HNRNPUL1: variants seen among roughly 807,000 people sequenced by gnomAD.
HNRNPUL1 encodes heterogeneous nuclear ribonucleoprotein U-like protein 1.
Under a neutral mutation model 108.5 loss-of-function variants are expected in HNRNPUL1, and 14 were observed. The observed-to-expected ratio is 0.13, with a 90% CI of 0.09 to 0.20. HNRNPUL1 has a LOEUF of 0.20. HNRNPUL1 is among the 10% of genes least tolerant of loss of function. The pLI is 1.00. For missense variants in HNRNPUL1, 804 were observed against 1,168.3 expected, an observed-to-expected ratio of 0.69 and a Z score of 4.55; for synonymous variants, 422 against 445.2, an observed-to-expected ratio of 0.95 and a Z score of 0.66.
chr19:41,265,097 C>T, intron 1 of HNRNPUL1: 1 of 1,412,726 alleles, frequency 7.1e-7, no homozygotes, highest in African/African-American at 1.5e-5. Flanking sequence ...CTTTCTGGAG[C>T]CGAAGAGAGT....
Position 41,272,403 on chromosome 19 carries a change from A to G in HNRNPUL1, c.572+168A>G, listed in dbSNP as rs2035295707. Reference sequence around the variant, plus strand: ...ACTTGCTACCAGATTCAGCTTTCCTAAACTTTTGGTCCTTCCCCCAGTTCC... The same window carrying G: ...ACTTGCTACCAGATTCAGCTTTCCTGAACTTTTGGTCCTTCCCCCAGTTCC... On this transcript the variant is annotated intron_variant, in intron 3 of 14. Transcript: ENST00000392006. The G allele has an allele frequency of 4.3e-6, 3 of 695,648 alleles. No individual in the cohort carries two copies. The Admixed American group carries it at 8.9e-5, about 21-fold the overall frequency. 43.1% of individuals were successfully genotyped at this position (695,648 alleles called of 1,614,324 possible).
At chr19:41,268,404 C>A in intron 2 of HNRNPUL1, 59 bp downstream of exon 2, 2 of 1,567,664 alleles carry the variant, frequency 1.3e-6, no homozygotes, top group Non-Finnish European at 1.7e-6. Flanking sequence ...GGAGCCTTTA[C>A]CCCCTGCTTA....
chr19:41,263,372 A>G (rs2034614656), upstream of HNRNPUL1, among the ~76,000 whole-genome samples: 1 of 152,148 alleles, frequency 6.6e-6, no homozygotes, highest in Admixed American at 6.5e-5. Flanking sequence ...AGACAGCCCG[A>G]TTTACGGGAA....
At chr19:41,303,897 C>T in intron 12 of HNRNPUL1, 75 bp from the exon 13 acceptor site, 1 of 1,537,032 alleles carries the variant, frequency 6.5e-7, no homozygotes, top group Non-Finnish European at 8.8e-7. Context: ...TCACAGTAGT[C>T]ACCAAGACAA....
chr19:41,306,349 C>G, intron 14 of HNRNPUL1, 100 bp from the exon 15 acceptor site: 1 of 728,514 alleles, frequency 1.4e-6, no homozygotes, highest in South Asian at 2.1e-5. Flanking sequence ...CAACTGTTGT[C>G]ACTGCAGCTG....
At position 41,272,146 on chromosome 19, in the gene HNRNPUL1, C is replaced by G; in HGVS notation, c.483C>G (p.Leu161=). 2 of 1,614,184 alleles carry G rather than the reference C, an allele frequency of 1.2e-6. No individual in the cohort carries two copies. The highest frequency in any genetic ancestry group is 1.1e-5 in the South Asian group (1 of 91,076). The part of the protein sequence containing the change: ...TSFLPPEASQ[L]KPDRQQFQSR... ...TCCTCCCGCCTGAAGCTTCTCAACT[C>G]AAGCCAGACAGGCAGCAATTCCAGA... is the stretch of plus-strand genomic sequence containing the variant. Residue 161 remains leucine, a synonymous_variant, in exon 3 of 15, where the codon CTC becomes CTG. Transcript: ENST00000392006.
intron 7 of HNRNPUL1, among the ~76,000 whole-genome samples, chr19:41,291,303 C>T (rs2036562336): frequency 6.6e-6 from 1 of 152,164 alleles, no homozygotes; most frequent in East Asian, 1.9e-4. Flanking sequence ...TCTCATTCCC[C>T]ACTGGTCGCT....
chr19:41,280,251 G>C (rs920706325), intron 6 of HNRNPUL1, among the ~76,000 whole-genome samples: 9 of 152,256 alleles, frequency 5.9e-5, no homozygotes, highest in Admixed American at 4.6e-4. Flanking sequence ...ATGAGAAATT[G>C]GTTAATGGGT....
intron 7 of HNRNPUL1, among the ~76,000 whole-genome samples, chr19:41,291,002 C>T (rs1459579918): frequency 6.6e-6 from 1 of 152,160 alleles, no homozygotes; most frequent in East Asian, 1.9e-4. Context: ...GCCGAGATTG[C>T]GCCATTGCAC....
At chr19:41,272,770 G>A (rs1156494061) in intron 3 of HNRNPUL1, among the ~76,000 whole-genome samples, 2 of 152,208 alleles carry the variant, frequency 1.3e-5, no homozygotes, top group Non-Finnish European at 2.9e-5. Flanking sequence ...TAGTCAGGAT[G>A]CAGGTGAGTT....
chr19:41,302,943 C>A lies in HNRNPUL1; in HGVS notation c.1966C>A (p.Arg656=). ...GGGSGGGGNY[R]GGFNRSGGGG... The stretch of plus-strand genomic sequence containing the variant: ...AGGCAGCGGTGGAGGAGGCAACTAC[C>A]GAGGAGGTGAGACATCTCACACACA... Residue 656 remains arginine (R), a synonymous_variant, in exon 12 of 15, where the codon CGA becomes AGA. Transcript: ENST00000392006. The A allele has an allele frequency of 6.6e-7, 1 of 1,524,496 alleles. No homozygotes were observed. The highest frequency in any genetic ancestry group is 8.8e-7 in the Non-Finnish European group (1 of 1,138,132). 94.4% of individuals were successfully genotyped at this position (1,524,496 alleles called of 1,614,324 possible).
intron 4 of HNRNPUL1, 104 bp from the exon 5 acceptor site, chr19:41,276,055 A>G (rs2035535054): frequency 6.8e-7 from 1 of 1,471,136 alleles, no homozygotes; most frequent in Admixed American, 1.7e-5. Context: ...GTGAGCCAAG[A>G]TCGCACCATT....
chr19:41,269,245 C>T (rs1458103896), intron 2 of HNRNPUL1, among the ~76,000 whole-genome samples: 1 of 151,880 alleles, frequency 6.6e-6, no homozygotes, highest in Non-Finnish European at 1.5e-5. Flanking sequence ...GTAGTAGGAT[C>T]ATTTGAGACC....
At chr19:41,306,213 A>G (rs148606109) in intron 14 of HNRNPUL1, among the ~76,000 whole-genome samples, 1 of 152,278 alleles carries the variant, frequency 6.6e-6, no homozygotes, top group East Asian at 1.9e-4. Flanking sequence ...TGACTATGAT[A>G]TCTAGCTATA....
intron 1 of HNRNPUL1, chr19:41,265,487 G>A: frequency 9.1e-7 from 1 of 1,100,336 alleles, no homozygotes; most frequent in Non-Finnish European, 1.2e-6. Context: ...CTCTCTTCCG[G>A]GGCTGGAAGG....
intron 7 of HNRNPUL1, among the ~76,000 whole-genome samples, chr19:41,286,177 A>G (rs1231124847): frequency 6.6e-6 from 1 of 150,904 alleles, no homozygotes; most frequent in Non-Finnish European, 1.5e-5. Flanking sequence ...GACATACCTA[A>G]CTTTTCCTTT....
At chr19:41,293,190 T>C (rs943162010) in intron 8 of HNRNPUL1, among the ~76,000 whole-genome samples, 2 of 152,350 alleles carry the variant, frequency 1.3e-5, no homozygotes, top group Admixed American at 1.3e-4. Context: ...TTATTTATGC[T>C]TGTTCTAGAA....
chr19:41,282,424 T>C (rs2035951908), intron 7 of HNRNPUL1, among the ~76,000 whole-genome samples: 1 of 152,162 alleles, frequency 6.6e-6, no homozygotes, highest in Non-Finnish European at 1.5e-5. Context: ...TCAGATGATC[T>C]GCTCGCCTCG....
chr19:41,278,982 A>T, intron 5 of HNRNPUL1, 95 bp from the exon 6 acceptor site: 1 of 875,560 alleles, frequency 1.1e-6, no homozygotes, highest in Non-Finnish European at 1.9e-6. Context: ...AGCCATTGCT[A>T]TTTTTTAATG....
Sources: gnomAD v4.1 joint callset for allele counts (sites outside exome capture counted in the v4.1 genomes callset) on GRCh38, gnomAD v4.1.1 for gene constraint, MANE v1.5 for transcripts, NCBI Gene and HGNC (gene_info 2026-07-23, HGNC 2026-07-21) for gene names.